ANKRD29: variants seen among roughly 807,000 people sequenced by gnomAD.
The protein encoded by ANKRD29 is ankyrin repeat domain 29.
Under a neutral mutation model 38.0 loss-of-function variants are expected in ANKRD29, and 32 were observed. That is an observed-to-expected ratio of 0.84 (90% CI 0.64 to 1.13). The LOEUF (loss-of-function observed/expected upper bound fraction) is 1.13, where lower values mean the gene tolerates loss of function less well. Ranked by LOEUF, ANKRD29 falls within the 50% of genes most tolerant of loss-of-function variation. The probability of loss-of-function intolerance (pLI) is 0.00; values close to 1 mark genes in which losing one functional copy is unlikely to be tolerated. For synonymous variants in ANKRD29, 135 were observed against 152.4 expected (o/e 0.89, Z 0.84); for missense variants, 357 against 377.9 (o/e 0.94, Z 0.46).
chr18:23,640,974 G>A (rs765837987), intron 3 of ANKRD29, among the ~76,000 whole-genome samples: 47 of 152,222 alleles, frequency 3.1e-4, no homozygotes, highest in Admixed American at 6.5e-4. Context: ...GAATATGTAC[G>A]TGTGTGCATG....
chr18:23,620,879 G>A (rs1487752747), intron 6 of ANKRD29, among the ~76,000 whole-genome samples: 1 of 152,144 alleles, frequency 6.6e-6, no homozygotes, highest in Non-Finnish European at 1.5e-5. Context: ...AGAAACAGTC[G>A]GCTGGAGTGA....
chr18:23,648,827 G>T, intron 2 of ANKRD29: 1 of 429,090 alleles, frequency 2.3e-6, no homozygotes, highest in Non-Finnish European at 4.1e-6. Flanking sequence ...TGCCAATTCT[G>T]ATTCCCAGTG....
intron 1 of ANKRD29, among the ~76,000 whole-genome samples, chr18:23,651,202 G>C (rs558773348): frequency 6.6e-6 from 1 of 152,208 alleles, no homozygotes. Flanking sequence ...AGGGTGGAGA[G>C]TGATAAGCTA....
At position 23,599,381 on chromosome 18, in the gene ANKRD29, A is replaced by C. The variant is rs2059487689; in HGVS notation, c.*1845T>G. ...TTACATGTTTTAGTGAAAAACAGTA[A>C]GTTTGTGATTCATCCCATTTTGGCT... is the stretch of plus-strand genomic sequence containing the variant. On this transcript the variant is annotated 3_prime_UTR_variant, in exon 10 of 10. Transcript: ENST00000592179. 6.6e-6 allele frequency: 1 copy of C among 152,234 alleles called. No homozygotes were observed. Among genetic ancestry groups the C allele is most frequent in the Non-Finnish European group, 1.5e-5 (1 of 68,046 alleles). 9.4% of individuals were successfully genotyped at this position (152,234 alleles called of 1,614,324 possible). A position where few individuals can be genotyped will look rare whatever the true frequency, so the allele number is the denominator to read the frequency against.
chr18:23,615,318 T>A (rs1184612847), intron 8 of ANKRD29, among the ~76,000 whole-genome samples: 4 of 152,196 alleles, frequency 2.6e-5, no homozygotes, highest in African/African-American at 9.6e-5. Context: ...TGTTTTTACA[T>A]TTTTAAATGA....
chr18:23,634,117 C>G lies in ANKRD29; in HGVS notation c.363G>C (p.Gln121His), dbSNP rs771671716. 1.2e-6 allele frequency: 2 copies of G among 1,614,066 alleles called. No individual in the cohort carries two copies. The highest frequency in any genetic ancestry group is 1.7e-5 in the Admixed American group (1 of 60,014). ...TCTCCACCACCTGCATGTGCCCGTA[C>G]TGACTGGCAGCCAACAGGGCGGTGC... ...DGGTALLAAS[Q>H]YGHMQVVETL... is the part of the protein sequence containing the mutation. The change falls in exon 5 of 10, where the codon CAG becomes CAC. Residue 121 changes from glutamine (Q) to histidine (H), a missense_variant. Gln to His is a conservative substitution (Grantham distance 24, BLOSUM62 0). Coordinates refer to ENST00000592179, the MANE Select transcript of ANKRD29 (RefSeq NM_173505.4).
intron 6 of ANKRD29, among the ~76,000 whole-genome samples, chr18:23,620,389 G>A (rs1017640517): frequency 3.9e-5 from 6 of 152,138 alleles, no homozygotes; most frequent in African/African-American, 1.2e-4. Context: ...GTGCACACTG[G>A]GCCATGAGGT....
intron 3 of ANKRD29, 39 bp from the exon 4 acceptor site, chr18:23,638,986 G>A: frequency 6.9e-7 from 1 of 1,453,114 alleles, no homozygotes; most frequent in Non-Finnish European, 9.4e-7. Context: ...AAGACATTTG[G>A]TTATCTTACA....
intron 1 of ANKRD29, among the ~76,000 whole-genome samples, chr18:23,661,953 C>T (rs61052161): frequency 6.6e-6 from 1 of 150,876 alleles, no homozygotes; most frequent in African/African-American, 2.4e-5. Flanking sequence ...GGGTTTCAGT[C>T]TTAACACCAT....
At chr18:23,603,565 G>A (rs759866347) in intron 9 of ANKRD29, among the ~76,000 whole-genome samples, 1 of 152,198 alleles carries the variant, frequency 6.6e-6, no homozygotes, top group African/African-American at 2.4e-5. Context: ...CCTGGGAGGC[G>A]GAGGTTGCAG....
At position 23,662,802 on chromosome 18, in the gene ANKRD29, C is replaced by T; in HGVS notation, c.-72G>A. 1 of 1,283,474 alleles carries T rather than the reference C, an allele frequency of 7.8e-7. No individual in the cohort carries two copies. Among genetic ancestry groups the T allele is most frequent in the Non-Finnish European group, 9.9e-7 (1 of 1,011,210 alleles). The allele number at this position is 1,283,474 out of a possible 1,614,324, so 79.5% of individuals were successfully genotyped here. ...GCCTTGTCCTCCCCGGCCCTTCACT[C>T]TCCCGGGGCTCTCGGCGTTCCGCAG... On this transcript the variant is annotated 5_prime_UTR_variant, in exon 1 of 10. Coordinates refer to ENST00000592179, the MANE Select transcript of ANKRD29 (RefSeq NM_173505.4).
intron 7 of ANKRD29, 78 bp from the exon 8 acceptor site, chr18:23,617,905 A>G: frequency 8.6e-7 from 1 of 1,165,292 alleles, no homozygotes; most frequent in South Asian, 1.3e-5. Context: ...TGGGAACTGG[A>G]AAGTACCGTT....
chr18:23,623,133 T>C (rs1171488832), intron 6 of ANKRD29, among the ~76,000 whole-genome samples: 2 of 152,236 alleles, frequency 1.3e-5, no homozygotes, highest in African/African-American at 4.8e-5. Flanking sequence ...GAGTAGTATT[T>C]ATCATGAGAA....
chr18:23,608,842 C>A (rs1403001018), intron 9 of ANKRD29, among the ~76,000 whole-genome samples: 1 of 152,132 alleles, frequency 6.6e-6, no homozygotes, highest in Non-Finnish European at 1.5e-5. Flanking sequence ...TTAGAAATTA[C>A]AATTTAGGGC....
intron 1 of ANKRD29, among the ~76,000 whole-genome samples, chr18:23,656,572 C>T (rs750608092): frequency 6.6e-6 from 1 of 152,114 alleles, no homozygotes; most frequent in African/African-American, 2.4e-5. Flanking sequence ...AATACTGATG[C>T]CACATGAAAA....
At chr18:23,607,359 C>T (rs943301217) in intron 9 of ANKRD29, among the ~76,000 whole-genome samples, 2 of 152,150 alleles carry the variant, frequency 1.3e-5, no homozygotes, top group Non-Finnish European at 2.9e-5. Flanking sequence ...CAGACCTAAG[C>T]TTCATCCAGT....
chr18:23,643,987 G>T (rs1050277220), intron 3 of ANKRD29, among the ~76,000 whole-genome samples: 1 of 152,220 alleles, frequency 6.6e-6, no homozygotes, highest in African/African-American at 2.4e-5. Flanking sequence ...TGGCTTGGCA[G>T]CCCTCTTGCC....
intron 6 of ANKRD29, 78 bp from the exon 7 acceptor site, chr18:23,619,707 G>T (rs1334527957): frequency 3.1e-6 from 4 of 1,281,748 alleles, no homozygotes; most frequent in Non-Finnish European, 4.2e-6. Context: ...TTAACACCAG[G>T]GGTCTGAAAG....
chr18:23,602,279 G>T lies in ANKRD29; in HGVS notation c.823-970C>A, dbSNP rs192589810. Among the ~76,000 whole-genome samples the T allele has an allele frequency of 6.8e-3, 1,036 of 151,944 alleles. 8 individuals carry two copies. Among genetic ancestry groups the T allele is most frequent in the African/African-American group, 0.023 (973 of 41,464 alleles). ...TTGAACTCCTGACCTCAAGTGATCC[G>T]CCCGCCTCCGCCTCCCAAGGTGCTG... On this transcript the variant is annotated intron_variant, in intron 9 of 9. Coordinates refer to ENST00000592179, the MANE Select transcript of ANKRD29 (RefSeq NM_173505.4).
Sources: allele counts gnomAD v4.1 joint callset (sites outside exome capture counted in the v4.1 genomes callset), GRCh38; gene constraint gnomAD v4.1.1; transcripts MANE v1.5; gene names NCBI Gene and HGNC (gene_info 2026-07-23, HGNC 2026-07-21).